Variants in CFAP47 observed in about 807,000 individuals in gnomAD.
CFAP47 encodes cilia and flagella associated protein 47.
Under a neutral mutation model 148.1 loss-of-function variants are expected in CFAP47, and 29 were observed. The observed-to-expected ratio is 0.20, with a 90% CI of 0.15 to 0.27. The LOEUF (loss-of-function observed/expected upper bound fraction) is 0.27. CFAP47 is among the 10% of genes least tolerant of loss of function. The pLI is 1.00. For missense variants in CFAP47, 1,872 were observed against 1,697.5 expected, an observed-to-expected ratio of 1.10 and a Z score of -1.81; for synonymous variants, 664 against 577.3, an observed-to-expected ratio of 1.15 and a Z score of -2.15.
chrX:36,344,940 G>A (rs782370122), intron 57 of CFAP47, among the ~76,000 whole-genome samples: 15 of 111,484 alleles, frequency 1.3e-4, no homozygotes, highest in South Asian at 1.1e-3. Context: ...GTCATCTAGC[G>A]TACTCTTTCA....
intron 46 of CFAP47, among the ~76,000 whole-genome samples, chrX:36,229,233 A>G (rs2146901251): frequency 8.9e-6 from 1 of 111,995 alleles, no homozygotes; most frequent in African/African-American, 3.2e-5. Flanking sequence ...ATAGTGTAAA[A>G]GAAGGTAAGA....
chrX:36,370,681 A>T (rs1941923922), intron 62 of CFAP47, among the ~76,000 whole-genome samples: 1 of 111,036 alleles, frequency 9.0e-6, no homozygotes, highest in South Asian at 3.8e-4. Flanking sequence ...CTAGGAAGGT[A>T]TTAGAAATTT....
At chrX:36,185,899 A>G (rs1348632133) in intron 40 of CFAP47, among the ~76,000 whole-genome samples, 1 of 111,667 alleles carries the variant, frequency 9.0e-6, no homozygotes, top group Non-Finnish European at 1.9e-5. Context: ...TGATCTCAGT[A>G]AAGCTTAATT....
At chrX:36,343,952 T>A (rs2146980454) in intron 57 of CFAP47, among the ~76,000 whole-genome samples, 1 of 108,767 alleles carries the variant, frequency 9.2e-6, no homozygotes, top group East Asian at 2.9e-4. Context: ...GGACATGAAC[T>A]CATCATTTTT....
intron 57 of CFAP47, among the ~76,000 whole-genome samples, chrX:36,334,711 A>G (rs1313426154): frequency 9.1e-6 from 1 of 110,487 alleles, no homozygotes; most frequent in African/African-American, 3.3e-5. Flanking sequence ...AAATTTAACT[A>G]TGAACTCATT....
intron 57 of CFAP47, among the ~76,000 whole-genome samples, chrX:36,343,995 G>T (rs1941674657): frequency 9.5e-6 from 1 of 105,812 alleles, no homozygotes; most frequent in Non-Finnish European, 1.9e-5. Flanking sequence ...GTGTATATGT[G>T]CCACATTTTC....
intron 8 of CFAP47, among the ~76,000 whole-genome samples, chrX:35,957,130 A>T (rs1368343508): frequency 2.9e-5 from 3 of 102,733 alleles, no homozygotes; most frequent in African/African-American, 1.1e-4. Flanking sequence ...AATCGCTTGA[A>T]CCCAGGAGGC....
chrX:36,013,724 A>T (rs779891374), intron 21 of CFAP47, among the ~76,000 whole-genome samples: 11 of 112,194 alleles, frequency 9.8e-5, no homozygotes, highest in Non-Finnish European at 1.5e-4. Context: ...ATGTCATATA[A>T]GTGAAATCAT....
At chrX:36,251,043 C>A (rs1349184299) in intron 48 of CFAP47, among the ~76,000 whole-genome samples, 1 of 111,339 alleles carries the variant, frequency 9.0e-6, no homozygotes. Flanking sequence ...ACTTTCTAAG[C>A]ATCAATGATC....
At position 36,205,009 on chromosome X, in the gene CFAP47, A is replaced by G. The variant is rs1211820447; in HGVS notation, c.6716A>G (p.Tyr2239Cys). 3 of 295,708 alleles carry G rather than the reference A, an allele frequency of 1.0e-5. No homozygotes were observed. In the East Asian group the frequency reaches 1.4e-4, roughly 14 times the overall value. 24.4% of individuals were successfully genotyped at this position (295,708 alleles called of 1,213,427 possible). Residue 2239 changes from tyrosine (Y) to cysteine (C), a missense_variant, in exon 45 of 64, where the codon TAC (tyrosine) becomes TGC (cysteine). Coordinates refer to ENST00000378653, the MANE Select transcript of CFAP47 (RefSeq NM_001304548.2). ...TTGAGGAAGCCTAAGACCGTTTCAT[A>G]CACAACAGAAGTGAGCCTTCCAAAG... ...SKLRKPKTVS[Y>C]TTEVSLPKYF...
intron 49 of CFAP47, among the ~76,000 whole-genome samples, chrX:36,263,204 T>C (rs1940850555): frequency 8.9e-6 from 1 of 112,185 alleles, no homozygotes; most frequent in African/African-American, 3.2e-5. Flanking sequence ...GTGCAGAATA[T>C]TTTTAATTTG....
chrX:36,132,571 A>T (rs1000182664), intron 33 of CFAP47, among the ~76,000 whole-genome samples: 1 of 111,614 alleles, frequency 9.0e-6, no homozygotes, highest in African/African-American at 3.2e-5. Context: ...TATCAAAGGA[A>T]CTATCATAAA....
chrX:36,163,056 A>G (rs775451873), intron 39 of CFAP47, among the ~76,000 whole-genome samples: 7 of 112,139 alleles, frequency 6.2e-5, no homozygotes, highest in Non-Finnish European at 1.1e-4. Context: ...GGAAGTTTAT[A>G]TAATTACTAA....
intron 39 of CFAP47, among the ~76,000 whole-genome samples, chrX:36,175,120 C>T (rs1349032419): frequency 2.7e-5 from 3 of 111,540 alleles, no homozygotes; most frequent in African/African-American, 6.6e-5. Flanking sequence ...GCATTCTTCA[C>T]GTAGTTCTTG....
At chrX:36,022,643 G>T (rs1937172949) in intron 22 of CFAP47, among the ~76,000 whole-genome samples, 1 of 110,853 alleles carries the variant, frequency 9.0e-6, no homozygotes, top group Non-Finnish European at 1.9e-5. Context: ...GATCCTGTAA[G>T]CATGCTTAAT....
In CFAP47 at chrX:36,075,805, G is replaced by A. The variant is rs563247077; in HGVS notation, c.4691+2441G>A. On this transcript the variant is annotated intron_variant, in intron 29 of 63. Coordinates refer to ENST00000378653, the MANE Select transcript of CFAP47 (RefSeq NM_001304548.2). ...CGGTATTTGGTTTTTTTGTTCCTGT[G>A]TTTATTCATTTAAGATAATGGTCCA... Among the ~76,000 whole-genome samples, 32 of 111,495 alleles carry A rather than the reference G, an allele frequency of 2.9e-4. No homozygotes were observed. In the South Asian group the frequency reaches 0.012, roughly 42 times the overall value.
chrX:36,245,866 T>C (rs145373452), intron 48 of CFAP47, among the ~76,000 whole-genome samples: 3 of 111,706 alleles, frequency 2.7e-5, no homozygotes, highest in African/African-American at 9.8e-5. Context: ...TCTATCCATA[T>C]GCAGAAGAAT....
In CFAP47 at chrX:36,189,865, A is replaced by G. The variant is rs781900623; in HGVS notation, c.6176-186A>G. 5.3e-5 allele frequency among the ~76,000 whole-genome samples: 6 copies of G among 112,624 alleles called. No homozygotes were observed. In the South Asian group the frequency reaches 1.8e-3, roughly 34 times the overall value. ...TATTAAGGAATCTTTATAGAGGGTC[A>G]TAATTAAGCATTGTTTCATAACAAG... On this transcript the variant is annotated intron_variant, in intron 41 of 63. Transcript: ENST00000378653.
At chrX:36,338,636 G>GC (rs781867267) in intron 57 of CFAP47, among the ~76,000 whole-genome samples, 17 of 111,329 alleles carry the variant, frequency 1.5e-4, no homozygotes, top group African/African-American at 5.6e-4. Flanking sequence ...TGCTGTTCCT[G>GC]CCCCCCTAAC....
Sources: gnomAD v4.1 joint callset for allele counts (sites outside exome capture counted in the v4.1 genomes callset) on GRCh38, gnomAD v4.1.1 for gene constraint, MANE v1.5 for transcripts, NCBI Gene and HGNC (gene_info 2026-07-23, HGNC 2026-07-21) for gene names.